SPATA6: variants seen among roughly 807,000 people sequenced by gnomAD.
SPATA6 encodes spermatogenesis associated 6.
SPATA6 carries 56 observed loss-of-function variants against 65.3 expected under a neutral mutation model. The observed-to-expected ratio is 0.86, with a 90% CI of 0.69 to 1.07. The LOEUF is 1.07. Among genes scored for constraint, SPATA6 ranks in the 50% least tolerant of loss-of-function variants. SPATA6 has a pLI of 0.00. For missense variants in SPATA6, 590 were observed against 594.8 expected (o/e 0.99, Z 0.08); for synonymous variants, 199 against 213.2 (o/e 0.93, Z 0.58).
intron 3 of SPATA6, among the ~76,000 whole-genome samples, chr1:48,423,302 C>T (rs1465797976): frequency 1.3e-5 from 2 of 151,522 alleles, no homozygotes; most frequent in Non-Finnish European, 2.9e-5. Context: ...ACTAAAAATA[C>T]AAAATTAGCC....
At chr1:48,374,978 T>C (rs1325107246) in intron 9 of SPATA6, among the ~76,000 whole-genome samples, 1 of 152,210 alleles carries the variant, frequency 6.6e-6, no homozygotes, top group African/African-American at 2.4e-5. Context: ...ATCAACAGGT[T>C]ATTCAGTTAC....
rs1644816239 is a variant in SPATA6 at position 48,296,560 on chromosome 1, T to C, written c.*2153A>G. The C allele has an allele frequency of 1.3e-5, 2 of 152,206 alleles. No homozygotes were observed. The highest frequency in any genetic ancestry group is 4.8e-5 in the African/African-American group (2 of 41,458). 9.4% of individuals were successfully genotyped at this position (152,206 alleles called of 1,614,324 possible). ...AGATTTTGGTGATAGTAAAACATTTTCTTTGAAAGTCATGTTTGTTCTTTT... is the reference window on the plus strand; with the variant it reads ...AGATTTTGGTGATAGTAAAACATTTCCTTTGAAAGTCATGTTTGTTCTTTT... On this transcript the variant is annotated 3_prime_UTR_variant, in exon 13 of 13. Coordinates refer to ENST00000371847, the MANE Select transcript of SPATA6 (RefSeq NM_019073.4).
At chr1:48,462,541 C>A (rs1657524936) in intron 1 of SPATA6, among the ~76,000 whole-genome samples, 1 of 151,986 alleles carries the variant, frequency 6.6e-6, no homozygotes, top group African/African-American at 2.4e-5. Context: ...ATTTTAATAC[C>A]TCTCCATTAC....
At chr1:48,359,076 C>T (rs993531980) in intron 10 of SPATA6, among the ~76,000 whole-genome samples, 1 of 152,022 alleles carries the variant, frequency 6.6e-6, no homozygotes, top group African/African-American at 2.4e-5. Flanking sequence ...ATTTCACATC[C>T]AAATTATAAC....
At chr1:48,371,270 T>TAGATAGATAG (rs1647252411) in intron 9 of SPATA6, among the ~76,000 whole-genome samples, 32 of 131,714 alleles carry the variant, frequency 2.4e-4, no homozygotes, top group Admixed American at 3.2e-4. Flanking sequence ...TATGTATCTA[T>TAGATAGATAG]ATAGATAGAT....
chr1:48,370,346 G>T (rs1647198647), intron 9 of SPATA6, among the ~76,000 whole-genome samples: 1 of 152,214 alleles, frequency 6.6e-6, no homozygotes, highest in African/African-American at 2.4e-5. Flanking sequence ...GGTACAACTT[G>T]CAGGATGGCC....
At chr1:48,424,627 TCTC>T (rs1653665541) in intron 3 of SPATA6, among the ~76,000 whole-genome samples, 2 of 152,196 alleles carry the variant, frequency 1.3e-5, no homozygotes, top group Admixed American at 6.5e-5. Flanking sequence ...GGTTCCCTCT[TCTC>T]CACATCCTTA....
chr1:48,279,958 A>G, the SPATA6 span, among the ~76,000 whole-genome samples: 1 of 152,270 alleles, frequency 6.6e-6, no homozygotes, highest in South Asian at 2.1e-4. Context: ...CAAATGTAAA[A>G]GAACAGAAAT....
In SPATA6 at chr1:48,357,546, TTC is replaced by T. The variant is rs1166149455; in HGVS notation, c.1095-1779_1095-1778del. On this transcript the variant is annotated intron_variant, in intron 10 of 12. Transcript: ENST00000371847. ...ACAGATAAACTCCTATAACTGTATGTTCTGTCATACATCATCCACGCAAAACT... is the reference window on the plus strand; with the variant it reads ...ACAGATAAACTCCTATAACTGTATGTTGTCATACATCATCCACGCAAAACT... Among the ~76,000 whole-genome samples, 4 of 152,154 alleles carry T rather than the reference TTC, an allele frequency of 2.6e-5. No individual in the cohort carries two copies. The East Asian group carries it at 7.7e-4, about 29-fold the overall frequency.
At chr1:48,437,928 T>C (rs757685068) in intron 3 of SPATA6, among the ~76,000 whole-genome samples, 13 of 150,288 alleles carry the variant, frequency 8.7e-5, no homozygotes, top group Non-Finnish European at 1.8e-4. Context: ...ATCAGCGCTC[T>C]GTGTCTAGCT....
intron 3 of SPATA6, among the ~76,000 whole-genome samples, chr1:48,442,541 AAGTC>A (rs1263030122): frequency 2.0e-5 from 3 of 151,622 alleles, no homozygotes; most frequent in Admixed American, 2.0e-4. Flanking sequence ...AAGGGACAGA[AAGTC>A]AGAGAGACTG....
intron 1 of SPATA6, among the ~76,000 whole-genome samples, chr1:48,465,260 G>A (rs1276949386): frequency 4.6e-5 from 7 of 152,142 alleles, no homozygotes; most frequent in Non-Finnish European, 1.5e-5. Flanking sequence ...TCAAAAACTA[G>A]AAGAGGCAGG....
intron 11 of SPATA6, among the ~76,000 whole-genome samples, chr1:48,324,386 T>A (rs898057491): frequency 3.3e-5 from 5 of 152,024 alleles, no homozygotes. Flanking sequence ...CAAAGACACA[T>A]CAGAGAAAGA....
At chr1:48,354,804 C>T (rs564896533) in intron 11 of SPATA6, among the ~76,000 whole-genome samples, 1 of 152,094 alleles carries the variant, frequency 6.6e-6, no homozygotes, top group African/African-American at 2.4e-5. Context: ...AGAGGGGCTT[C>T]TGCAGAGAAC....
Position 48,298,457 on chromosome 1 carries a change from C to A in SPATA6, c.*256G>T. ...TGAGGTGTACATGTAACAGAATATC[C>A]TTGTCACATATTGGAAGTTGTGATT... On this transcript the variant is annotated 3_prime_UTR_variant, in exon 13 of 13. Transcript: ENST00000371847. 1 of 317,112 alleles carries A rather than the reference C, an allele frequency of 3.2e-6. No homozygotes were observed. Among genetic ancestry groups the A allele is most frequent in the Non-Finnish European group, 5.7e-6 (1 of 174,678 alleles). The allele number at this position is 317,112 out of a possible 1,614,324, so 19.6% of individuals were successfully genotyped here.
At chr1:48,313,356 C>T (rs1477355066) in intron 11 of SPATA6, among the ~76,000 whole-genome samples, 1 of 152,180 alleles carries the variant, frequency 6.6e-6, no homozygotes, top group African/African-American at 2.4e-5. Flanking sequence ...TTGGCAGAAA[C>T]TCTACAAGCC....
intron 5 of SPATA6, among the ~76,000 whole-genome samples, chr1:48,410,664 G>A (rs1220803155): frequency 6.6e-6 from 1 of 152,228 alleles, no homozygotes; most frequent in African/African-American, 2.4e-5. Flanking sequence ...AGTGGAAGGG[G>A]AAGAGGCAAA....
intron 9 of SPATA6, among the ~76,000 whole-genome samples, chr1:48,361,446 C>T (rs555341566): frequency 3.4e-4 from 52 of 151,960 alleles, no homozygotes; most frequent in Non-Finnish European, 6.6e-4. Context: ...ATAGCTTTAA[C>T]GGAGTGACAA....
At chr1:48,439,579 T>A (rs1226500374) in intron 3 of SPATA6, among the ~76,000 whole-genome samples, 1 of 152,130 alleles carries the variant, frequency 6.6e-6, no homozygotes, top group Non-Finnish European at 1.5e-5. Context: ...GCTGCATCGG[T>A]GAGCACAACT....
Sources: allele counts gnomAD v4.1 joint callset (sites outside exome capture counted in the v4.1 genomes callset), GRCh38; gene constraint gnomAD v4.1.1; transcripts MANE v1.5; gene names NCBI Gene and HGNC (gene_info 2026-07-23, HGNC 2026-07-21).